The following ZNF736 variants were observed in gnomAD, a reference collection of about 807,000 sequenced individuals.
ZNF736 encodes the protein zinc finger protein 736.
ZNF736 carries 6 observed loss-of-function variants against 11.7 expected under a neutral mutation model. The observed-to-expected ratio is 0.51, with a 90% CI of 0.28 to 1.01. ZNF736 has a LOEUF of 1.01. ZNF736 is among the 50% of genes least tolerant of loss of function. The pLI is 0.09. For missense variants in ZNF736, 444 were observed against 496.0 expected (o/e 0.90, Z 1.00); for synonymous variants, 139 against 164.7 (o/e 0.84, Z 1.19).
chr7:64,326,853 G>A (rs2692121), intron 1 of ZNF736, among the ~76,000 whole-genome samples: 91 of 151,884 alleles, frequency 6.0e-4, no homozygotes, highest in African/African-American at 2.0e-3. Flanking sequence ...GTATAGTTTC[G>A]AAAGTTTTTT....
At chr7:64,344,778 A>G (rs1380105454) in intron 3 of ZNF736, among the ~76,000 whole-genome samples, 1 of 152,142 alleles carries the variant, frequency 6.6e-6, no homozygotes, top group Non-Finnish European at 1.5e-5. Context: ...TTGACCATAT[A>G]TTCAAGAGTT....
intron 1 of ZNF736, among the ~76,000 whole-genome samples, chr7:64,321,159 C>G (rs1376802503): frequency 6.6e-6 from 1 of 152,172 alleles, no homozygotes; most frequent in Non-Finnish European, 1.5e-5. Flanking sequence ...GTGAGCAATG[C>G]TTATGTTTAC....
chr7:64,338,888 A>G (rs1789297119), intron 3 of ZNF736, among the ~76,000 whole-genome samples: 1 of 151,996 alleles, frequency 6.6e-6, no homozygotes, highest in Non-Finnish European at 1.5e-5. Flanking sequence ...ACTATTAAAA[A>G]ATTTTTAAAA....
In ZNF736 at chr7:64,336,874, T is replaced by C. The variant is rs754195836; in HGVS notation, c.131-13T>C. On this transcript the variant is annotated splice_polypyrimidine_tract_variant and intron_variant, in intron 2 of 3. Coordinates refer to ENST00000423484, the MANE Select transcript of ZNF736 (RefSeq NM_001170905.3). ...TCCTAGCAAGAGTCATGTTTTTTTTTCTAATAAAACAGGTCTTGCTATCTT... is the reference window on the plus strand; with the variant it reads ...TCCTAGCAAGAGTCATGTTTTTTTTCCTAATAAAACAGGTCTTGCTATCTT... 3.2e-5 allele frequency: 50 copies of C among 1,566,388 alleles called. No homozygotes were observed. The highest frequency in any genetic ancestry group is 3.6e-5 in the Non-Finnish European group (42 of 1,153,446).
chr7:64,338,743 C>T (rs1471894110), intron 3 of ZNF736, among the ~76,000 whole-genome samples: 1 of 151,202 alleles, frequency 6.6e-6, no homozygotes, highest in African/African-American at 2.4e-5. Flanking sequence ...AGTCAGTTTC[C>T]ACAAACACTT....
chr7:64,325,757 AC>A (rs1464169306), intron 1 of ZNF736, among the ~76,000 whole-genome samples: 2 of 152,198 alleles, frequency 1.3e-5, no homozygotes, highest in Non-Finnish European at 2.9e-5. Context: ...GGTAAATAGG[AC>A]TTTGTCAGCC....
chr7:64,345,013 A>ATTATTTATTTATTTAT (rs138933337), intron 3 of ZNF736, among the ~76,000 whole-genome samples: 26 of 141,944 alleles, frequency 1.8e-4, no homozygotes, highest in African/African-American at 5.1e-4. Context: ...AATTTATTTT[A>ATTATTTATTTATTTAT]TTATTTATTT....
chr7:64,317,208 T>C (rs1181228480), intron 1 of ZNF736, among the ~76,000 whole-genome samples: 1 of 152,248 alleles, frequency 6.6e-6, no homozygotes, highest in Non-Finnish European at 1.5e-5. Context: ...TATGATTGTC[T>C]AGTATAATCG....
intron 1 of ZNF736, among the ~76,000 whole-genome samples, chr7:64,320,240 T>C (rs1162013749): frequency 6.6e-6 from 1 of 152,188 alleles, no homozygotes; most frequent in Non-Finnish European, 1.5e-5. Context: ...GCAATCTATA[T>C]TTTCAGGCCA....
At chr7:64,325,132 C>A (rs1282165284) in intron 1 of ZNF736, among the ~76,000 whole-genome samples, 1 of 149,948 alleles carries the variant, frequency 6.7e-6, no homozygotes, top group Non-Finnish European at 1.5e-5. Flanking sequence ...ATGTTAAATA[C>A]ACGCTTAGGT....
chr7:64,351,803 G>A lies in ZNF736; in HGVS notation c.*2656G>A, dbSNP rs1277321995. ...CTGCATCTCAGAGAGATGTAGGTCA[G>A]CAATTACTCAGTGCAGCCAGCCCAG... On this transcript the variant is annotated 3_prime_UTR_variant, in exon 4 of 4. Coordinates refer to ENST00000423484, the MANE Select transcript of ZNF736 (RefSeq NM_001170905.3). The A allele has an allele frequency of 1.3e-5, 2 of 152,218 alleles. No homozygotes were observed. The highest frequency in any genetic ancestry group is 2.9e-5 in the Non-Finnish European group (2 of 68,068). 9.4% of individuals were successfully genotyped at this position (152,218 alleles called of 1,614,324 possible).
chr7:64,336,802 G>T (rs1038805289), intron 2 of ZNF736, 85 bp from the exon 3 acceptor site: 28 of 1,071,088 alleles, frequency 2.6e-5, no homozygotes, highest in South Asian at 9.9e-5. Flanking sequence ...CTTCTATAAT[G>T]TTCTCTCTTC....
At chr7:64,347,287 T>G (rs1288309113) in intron 3 of ZNF736, among the ~76,000 whole-genome samples, 1 of 144,536 alleles carries the variant, frequency 6.9e-6, no homozygotes, top group African/African-American at 2.6e-5. Flanking sequence ...GTTACAAGCT[T>G]GGCTCATTGC....
intron 1 of ZNF736, among the ~76,000 whole-genome samples, chr7:64,332,035 A>C (rs1789176697): frequency 6.6e-6 from 1 of 152,126 alleles, no homozygotes; most frequent in East Asian, 1.9e-4. Context: ...CTTCAAAGGC[A>C]TATTCTCAAG....
At position 64,338,374 on chromosome 7, in the gene ZNF736, ATC is replaced by A. The variant is rs1192586347; in HGVS notation, c.226+1397_226+1398del. On this transcript the variant is annotated intron_variant, in intron 3 of 3. Transcript: ENST00000423484. ...CTTTTTTGTAGTGAAAACAATTAAG[ATC>A]TCTCAGCAAATTTTCAGCATACATA... 3.3e-5 allele frequency among the ~76,000 whole-genome samples: 5 copies of A among 152,316 alleles called. No homozygotes were observed. In the Middle Eastern group the frequency reaches 0.01, roughly 311 times the overall value.
Position 64,352,318 on chromosome 7 carries a change from A to G in ZNF736, c.*3171A>G, listed in dbSNP as rs895510481. ...GGAGCGCCATCCCAGGGAGGTATAG[A>G]CCTGTTGCCAGCCCAAAAGCACCTG... is the stretch of plus-strand genomic sequence containing the variant. On this transcript the variant is annotated 3_prime_UTR_variant, in exon 4 of 4. Transcript: ENST00000423484. 6.6e-5 allele frequency: 10 copies of G among 151,994 alleles called. No individual in the cohort carries two copies. Among genetic ancestry groups the G allele is most frequent in the African/African-American group, 2.4e-4 (10 of 41,350 alleles). 9.4% of individuals were successfully genotyped at this position (151,994 alleles called of 1,614,324 possible).
rs1362156990 is a variant in ZNF736 at position 64,336,330 on chromosome 7, G to T, written c.75G>T (p.Gln25His). 1 of 1,613,710 alleles carries T rather than the reference G, an allele frequency of 6.2e-7. No homozygotes were observed. Among genetic ancestry groups the T allele is most frequent in the East Asian group, 2.2e-5 (1 of 44,816 alleles). The stretch of plus-strand genomic sequence containing the variant: ...AGTGGGAATGCCTGGACTCTGCTCA[G>T]CAGCGTTTGTATAGGGATGTGATGT... ...PEEWECLDSAQQRLYRDVMLE... is the reference protein window; with the variant it reads ...PEEWECLDSAHQRLYRDVMLE... The change falls in exon 2 of 4, where the codon CAG becomes CAT. Residue 25 changes from glutamine (Q) to histidine (H), a missense_variant. Physicochemically the swap from Gln to His is conservative, Grantham distance 24. Transcript: ENST00000423484.
chr7:64,348,268 A>G lies in ZNF736; in HGVS notation c.405A>G (p.Gln135=). The G allele has an allele frequency of 6.4e-7, 1 of 1,551,956 alleles. No individual in the cohort carries two copies. The highest frequency in any genetic ancestry group is 1.7e-4 in the Middle Eastern group (1 of 5,988). ...GQKSSYNGLH[Q]CLSATHSKTC... ...AAAGCAGTTATAATGGCCTTCATCA[A>G]TGTTTGTCAGCTACCCATAGCAAAA... The change falls in exon 4 of 4, where the codon CAA becomes CAG. Residue 135 remains glutamine, a synonymous_variant. Coordinates refer to ENST00000423484, the MANE Select transcript of ZNF736 (RefSeq NM_001170905.3).
Position 64,329,320 on chromosome 7 carries a change from A to T in ZNF736, c.4-6939A>T, listed in dbSNP as rs555375580. Among the ~76,000 whole-genome samples, 172 of 151,776 alleles carry T rather than the reference A, an allele frequency of 1.1e-3. 1 individual carries two copies. Among genetic ancestry groups the T allele is most frequent in the African/African-American group, 2.9e-3 (120 of 41,482 alleles). ...CTTAATTTTTGTGAATGTTCATTGA[A>T]GTCTGGGCATTAATGAGTTAGGTAT... On this transcript the variant is annotated intron_variant, in intron 1 of 3. Coordinates refer to ENST00000423484, the MANE Select transcript of ZNF736 (RefSeq NM_001170905.3).
Sources: gnomAD v4.1 joint callset for allele counts (sites outside exome capture counted in the v4.1 genomes callset) on GRCh38, gnomAD v4.1.1 for gene constraint, MANE v1.5 for transcripts, NCBI Gene and HGNC (gene_info 2026-07-23, HGNC 2026-07-21) for gene names.